The following CDH13 variants were observed in gnomAD, a reference collection of about 807,000 sequenced individuals.
CDH13 encodes cadherin 13, also known as cadherin-13.
CDH13 carries 24 observed loss-of-function variants against 63.8 expected under a neutral mutation model. That is an observed-to-expected ratio of 0.38 (90% CI 0.27 to 0.53). The LOEUF (loss-of-function observed/expected upper bound fraction) is 0.53. Among genes scored for constraint, CDH13 ranks in the 20% least tolerant of loss-of-function variants. The pLI is 0.85. For synonymous variants in CDH13, 503 were observed against 355.3 expected (o/e 1.42, Z -4.67); for missense variants, 1,049 against 903.1 (o/e 1.16, Z -2.07).
intron 4 of CDH13, among the ~76,000 whole-genome samples, chr16:83,207,778 A>G (rs1405350528): frequency 6.6e-6 from 1 of 150,588 alleles, no homozygotes; most frequent in Non-Finnish European, 1.5e-5. Flanking sequence ...AAAAAAAAAA[A>G]GACTGAAGCC....
In CDH13 at chr16:83,764,824, G is replaced by T. The variant is rs149049598; in HGVS notation, c.1682-15144G>T. ...CCTGCCTGCCTTCCCTGAAGCCCTC[G>T]CAATGGCCTCCATGACAGTCCTGGC... On this transcript the variant is annotated intron_variant, in intron 11 of 13. Coordinates refer to ENST00000567109, the MANE Select transcript of CDH13 (RefSeq NM_001257.5). 5.3e-5 allele frequency among the ~76,000 whole-genome samples: 8 copies of T among 152,166 alleles called. No individual in the cohort carries two copies. In the South Asian group the frequency reaches 8.3e-4, roughly 16 times the overall value.
rs544745186 is a variant in CDH13, at chr16:83,722,113, A to G, written c.1539-25995A>G. Among the ~76,000 whole-genome samples the G allele has an allele frequency of 3.0e-4, 46 of 152,274 alleles. No individual in the cohort carries two copies. In the South Asian group the frequency reaches 7.3e-3, roughly 24 times the overall value. ...CCAGGGAAGAAAGAGGAGGACTCAG[A>G]GTGGGGAGGAGTGTGCCACATGAAA... is the stretch of plus-strand genomic sequence containing the variant. On this transcript the variant is annotated intron_variant, in intron 10 of 13. Transcript: ENST00000567109.
intron 2 of CDH13, among the ~76,000 whole-genome samples, chr16:82,938,635 A>G (rs72790147): frequency 0.062 from 9,454 of 152,256 alleles, 418 homozygotes; most frequent in East Asian, 0.18. Flanking sequence ...TCTTAATTGC[A>G]GTCCTCGAGA....
chr16:82,841,093 T>C (rs2038990253), intron 1 of CDH13, among the ~76,000 whole-genome samples: 1 of 152,190 alleles, frequency 6.6e-6, no homozygotes, highest in South Asian at 2.1e-4. Flanking sequence ...CCTGTGGACA[T>C]CTAGAAATGA....
At chr16:83,621,623 A>G (rs1417398743) in intron 8 of CDH13, among the ~76,000 whole-genome samples, 1 of 151,292 alleles carries the variant, frequency 6.6e-6, no homozygotes, top group Non-Finnish European at 1.5e-5. Context: ...AGTAGCTGGA[A>G]TTACAGGCAT....
At chr16:82,994,623 C>G (rs761618196) in intron 2 of CDH13, among the ~76,000 whole-genome samples, 11 of 152,196 alleles carry the variant, frequency 7.2e-5, no homozygotes, top group Non-Finnish European at 1.5e-4. Flanking sequence ...CTTATTTTCC[C>G]TCTTTTTAAA....
intron 8 of CDH13, among the ~76,000 whole-genome samples, chr16:83,665,863 G>A (rs1047299526): frequency 6.6e-6 from 1 of 152,150 alleles, no homozygotes; most frequent in Admixed American, 6.5e-5. Flanking sequence ...CATTCTTGGT[G>A]TATAATAAAA....
intron 7 of CDH13, among the ~76,000 whole-genome samples, chr16:83,519,706 A>G (rs1185789950): frequency 6.6e-6 from 1 of 152,208 alleles, no homozygotes; most frequent in African/African-American, 2.4e-5. Flanking sequence ...AGAGATAATG[A>G]AGGATGCTCT....
At chr16:83,134,544 GGAGAGAGAGAGAGAGAGAGAGAGAGA>G (rs67135267) in intron 4 of CDH13, among the ~76,000 whole-genome samples, 1 of 84,334 alleles carries the variant, frequency 1.2e-5, no homozygotes, top group Non-Finnish European at 2.2e-5. Context: ...TGGGGTGGGG[GGAGAGAGAGAGAGAGAGAGAGAGAGA>G]GAGAGAGAGA....
chr16:82,897,050 G>C (rs1370516977), intron 2 of CDH13, among the ~76,000 whole-genome samples: 2 of 152,002 alleles, frequency 1.3e-5, no homozygotes, highest in Admixed American at 6.5e-5. Context: ...AAAGTGCTGG[G>C]ATTACAGGCA....
intron 1 of CDH13, among the ~76,000 whole-genome samples, chr16:82,832,207 C>T (rs1421285382): frequency 6.6e-6 from 1 of 150,488 alleles, no homozygotes; most frequent in Non-Finnish European, 1.5e-5. Context: ...TGATTGAGTG[C>T]TTGCAAGTGG....
intron 8 of CDH13, among the ~76,000 whole-genome samples, chr16:83,610,655 C>T (rs1268474646): frequency 1.3e-5 from 2 of 152,174 alleles, no homozygotes; most frequent in African/African-American, 2.4e-5. Context: ...TGCACATAGC[C>T]GTAATCTATT....
In CDH13 at chr16:83,280,023, T is replaced by C. The variant is rs1232825152; in HGVS notation, c.636+62526T>C. On this transcript the variant is annotated intron_variant, in intron 5 of 13. Coordinates refer to ENST00000567109, the MANE Select transcript of CDH13 (RefSeq NM_001257.5). ...GCTGGTAAAGAGTCTTGCCGCAATG[T>C]TGATGGCTGCAGATTGATCAGGGTG... Among the ~76,000 whole-genome samples the C allele has an allele frequency of 2.0e-5, 3 of 152,232 alleles. 1 individual carries two copies. The highest frequency in any genetic ancestry group is 1.3e-4 in the Admixed American group (2 of 15,288).
intron 2 of CDH13, among the ~76,000 whole-genome samples, chr16:82,944,877 AG>A (rs1567682639): frequency 1.3e-5 from 2 of 152,234 alleles, no homozygotes; most frequent in African/African-American, 4.8e-5. Flanking sequence ...TATTAGGTAA[AG>A]CAGGTATATA....
chr16:83,035,542 C>T (rs1482071024), intron 3 of CDH13, among the ~76,000 whole-genome samples: 1 of 152,160 alleles, frequency 6.6e-6, no homozygotes, highest in Middle Eastern at 3.2e-3. Flanking sequence ...CACAAAGAGC[C>T]AAGTGACATT....
intron 1 of CDH13, among the ~76,000 whole-genome samples, chr16:82,713,469 G>A (rs1165201018): frequency 6.6e-6 from 1 of 152,164 alleles, no homozygotes; most frequent in East Asian, 1.9e-4. Context: ...CCTGCCCCCA[G>A]CACTGTTGGG....
intron 1 of CDH13, among the ~76,000 whole-genome samples, chr16:82,635,358 G>T (rs1423242607): frequency 6.6e-6 from 1 of 152,242 alleles, no homozygotes; most frequent in Non-Finnish European, 1.5e-5. Context: ...ACACAGTAGA[G>T]GGTGTGGGTG....
chr16:82,882,670 CTCTCTCTCTCCCTT>C (rs1163672380), intron 2 of CDH13, among the ~76,000 whole-genome samples: 3 of 151,690 alleles, frequency 2.0e-5, no homozygotes, highest in Admixed American at 1.3e-4. Flanking sequence ...CCCTTTTTCC[CTCTCTCTCTCCCTT>C]TCTTCCTTCC....
intron 6 of CDH13, among the ~76,000 whole-genome samples, chr16:83,349,580 G>GTAT (rs1567609416): frequency 3.9e-5 from 3 of 76,602 alleles, no homozygotes; most frequent in East Asian, 5.7e-4. Context: ...AACTTGAGGT[G>GTAT]CATTATTATT....
Sources: gnomAD v4.1 joint callset for allele counts (sites outside exome capture counted in the v4.1 genomes callset) on GRCh38, gnomAD v4.1.1 for gene constraint, MANE v1.5 for transcripts, NCBI Gene and HGNC (gene_info 2026-07-23, HGNC 2026-07-21) for gene names.